The following PTGDS variants were observed in gnomAD, a reference collection of about 807,000 sequenced individuals.
PTGDS encodes the protein prostaglandin D2 synthase.
Under a neutral mutation model 28.4 loss-of-function variants are expected in PTGDS, and 21 were observed. That is an observed-to-expected ratio of 0.74 (90% confidence interval 0.52 to 1.07). The LOEUF is 1.07. Among genes scored for constraint, PTGDS ranks in the 50% least tolerant of loss-of-function variants. The pLI is 0.00. For missense variants in PTGDS, 243 were observed against 247.7 expected (o/e 0.98, Z 0.13); for synonymous variants, 102 against 106.0 (o/e 0.96, Z 0.23).
At chr9:136,979,862 A>G in intron 3 of PTGDS, 84 bp from the exon 4 acceptor site, 1 of 1,323,744 alleles carries the variant, frequency 7.6e-7, no homozygotes, top group South Asian at 1.2e-5. Context: ...GTGCCCCCAA[A>G]GCCCACAGGT....
chr9:136,978,470 AG>A (rs1043454821), intron 1 of PTGDS, among the ~76,000 whole-genome samples: 3 of 6,582 alleles, frequency 4.6e-4, no homozygotes, highest in African/African-American at 6.5e-4. Context: ...TCTCCGGGGG[AG>A]GGGGAAGTGG....
In PTGDS at chr9:136,979,210, C is replaced by G. The variant is rs764984049; in HGVS notation, c.255-13C>G. On this transcript the variant is annotated splice_polypyrimidine_tract_variant and intron_variant, in intron 2 of 6. Coordinates refer to ENST00000371625, the MANE Select transcript of PTGDS (RefSeq NM_000954.6). ...CGGGCCTAACCCCTGACCCTGAGGT[C>G]ACCCACCTACAGGAAAAACCAGTGT... 1.2e-6 allele frequency: 2 copies of G among 1,613,112 alleles called. No individual in the cohort carries two copies.
chr9:136,978,731 T>G (rs56174366), intron 1 of PTGDS: 24 of 287,434 alleles, frequency 8.3e-5, no homozygotes, highest in Non-Finnish European at 1.1e-4. Context: ...GGCGGGGTCA[T>G]CTCCTGGGGC....
rs1360105494 is a variant in PTGDS at position 136,980,376 on chromosome 9, T to C, written c.550+92T>C. 1.8e-5 allele frequency: 25 copies of C among 1,399,414 alleles called. 1 individual carries two copies. The Admixed American group carries it at 2.9e-4, about 16-fold the overall frequency. The allele number at this position is 1,399,414 out of a possible 1,614,324, so 86.7% of individuals were successfully genotyped here. ...ACTGGGGGAGGCAGAGGGGAGGAGG[T>C]GGCCCCGCCCTGCTCGAGGCCTGGG... On this transcript the variant is annotated intron_variant, in intron 5 of 6. Coordinates refer to ENST00000371625, the MANE Select transcript of PTGDS (RefSeq NM_000954.6).
intron 6 of PTGDS, 179 bp downstream of exon 6, chr9:136,981,034 G>A: frequency 1.2e-6 from 1 of 866,700 alleles, no homozygotes; most frequent in Non-Finnish European, 1.7e-6. Flanking sequence ...TGCCCACATT[G>A]ATGGGTGCAC....
At chr9:136,978,852 GGCGT>G in intron 1 of PTGDS, 137 bp from the exon 2 acceptor site, 2 of 1,262,312 alleles carry the variant, frequency 1.6e-6, no homozygotes, top group Non-Finnish European at 2.2e-6. Flanking sequence ...GGGCGTGAGG[GGCGT>G]GGCTGCTCGG....
chr9:136,977,656 C>T lies in PTGDS; in HGVS notation c.78C>T (p.Ala26=), dbSNP rs755300759. 1 of 1,606,986 alleles carries T rather than the reference C, an allele frequency of 6.2e-7. No individual in the cohort carries two copies. Among genetic ancestry groups the T allele is most frequent in the Non-Finnish European group, 8.5e-7 (1 of 1,177,814 alleles). ...VLGDLQAAPE[A]QVSVQPNFQQ... ...GCGACCTGCAGGCAGCACCGGAGGC[C>T]CAGGTCTCCGTGCAGCCCAACTTCC... The change falls in exon 1 of 7, where the codon GCC becomes GCT. Residue 26 remains alanine (A), a synonymous_variant. Transcript: ENST00000371625.
intron 1 of PTGDS, among the ~76,000 whole-genome samples, chr9:136,978,649 A>G (rs1273171922): frequency 3.0e-5 from 2 of 67,432 alleles, no homozygotes; most frequent in East Asian, 5.0e-4. Flanking sequence ...GGTTGTGGAC[A>G]TGAAGGGCGG....
Position 136,979,117 on chromosome 9 carries a change from C to A in PTGDS, c.239C>A (p.Thr80Asn). The change falls in exon 2 of 7, where the codon ACC (threonine) becomes AAC (asparagine). Residue 80 changes from threonine (T) to asparagine (N), a missense_variant. Physicochemically the swap from Thr to Asn is moderately conservative, Grantham distance 65. Coordinates refer to ENST00000371625, the MANE Select transcript of PTGDS (RefSeq NM_000954.6). ...APATDGGLNL[T>N]STFLRKNQCE... is the part of the protein sequence containing the mutation. ...GCCACGGATGGTGGCCTCAACCTGACCTCCACCTTCCTCAGGTGGGACAGC... is the reference window on the plus strand; with the variant it reads ...GCCACGGATGGTGGCCTCAACCTGAACTCCACCTTCCTCAGGTGGGACAGC... 6.2e-7 allele frequency: 1 copy of A among 1,612,492 alleles called. No individual in the cohort carries two copies. Among genetic ancestry groups the A allele is most frequent in the Admixed American group, 1.7e-5 (1 of 59,936 alleles).
Position 136,979,969 on chromosome 9 carries a change from T to C in PTGDS, c.355T>C (p.Ser119Pro). ...SPHWGSTYSV[S>P]VVETDYDQYA... ...AGACTGGGGCAGCACCTACTCCGTG[T>C]CAGTGGTGGAGACCGACTACGACCA... The change falls in exon 4 of 7, where the codon TCA (serine) becomes CCA (proline). Residue 119 changes from serine to proline, a missense_variant. Transcript: ENST00000371625. 1 of 1,613,276 alleles carries C rather than the reference T, an allele frequency of 6.2e-7. No homozygotes were observed. The highest frequency in any genetic ancestry group is 8.5e-7 in the Non-Finnish European group (1 of 1,179,940).
chr9:136,980,193 G>A lies in PTGDS; in HGVS notation c.459G>A (p.Gln153=), dbSNP rs759793550. 3 of 1,613,790 alleles carry A rather than the reference G, an allele frequency of 1.9e-6. No individual in the cohort carries two copies. Among genetic ancestry groups the A allele is most frequent in the African/African-American group, 1.3e-5 (1 of 74,938 alleles). The change falls in exon 5 of 7, where the codon CAG becomes CAA. Residue 153 remains glutamine, a synonymous_variant. Coordinates refer to ENST00000371625, the MANE Select transcript of PTGDS (RefSeq NM_000954.6). ...FRMATLYSRT[Q]TPRAELKEKF... ...TCCACCCTGTCCCAGGCCGAACCCA[G>A]ACCCCCAGGGCTGAGTTAAAGGAGA...
At chr9:136,978,397 C>A (rs1190990264) in intron 1 of PTGDS, among the ~76,000 whole-genome samples, 2 of 125,616 alleles carry the variant, frequency 1.6e-5, no homozygotes, top group African/African-American at 6.1e-5. Context: ...CGTGGCCAGA[C>A]GGGGGTGCTG....
At chr9:136,978,511 A>G (rs1280418768) in intron 1 of PTGDS, among the ~76,000 whole-genome samples, 19 of 5,494 alleles carry the variant, frequency 3.5e-3, no homozygotes, top group Middle Eastern at 0.12. Flanking sequence ...GCGGGGCGTG[A>G]GGGGCGGGGC....
intron 3 of PTGDS, 109 bp downstream of exon 3, chr9:136,979,408 G>A (rs1830422133): frequency 1.3e-6 from 2 of 1,569,114 alleles, no homozygotes; most frequent in Non-Finnish European, 8.6e-7. Flanking sequence ...GGAGGTGATG[G>A]CTGCCCCACC....
intron 6 of PTGDS, 111 bp from the exon 7 acceptor site, chr9:136,981,468 C>G (rs1302387615): frequency 6.5e-6 from 1 of 152,784 alleles, no homozygotes. Context: ...CTCAGTGGGG[C>G]TGGGGGCAGA....
Position 136,979,030 on chromosome 9 carries a change from A to C in PTGDS, c.152A>C (p.Asn51Thr), listed in dbSNP as rs754669790. The C allele has an allele frequency of 6.2e-7, 1 of 1,608,724 alleles. No homozygotes were observed. The highest frequency in any genetic ancestry group is 1.3e-5 in the African/African-American group (1 of 74,744). ...TGGTTCAGCGCGGGCCTCGCCTCCA[A>C]CTCGAGCTGGCTCCGGGAGAAGAAG... is the stretch of plus-strand genomic sequence containing the variant. ...GRWFSAGLASNSSWLREKKAA... is the reference protein window; with the variant it reads ...GRWFSAGLASTSSWLREKKAA... The change falls in exon 2 of 7, where the codon AAC becomes ACC. Residue 51 changes from asparagine (N) to threonine (T), a missense_variant. Asn to Thr is a moderately conservative substitution (Grantham distance 65). Coordinates refer to ENST00000371625, the MANE Select transcript of PTGDS (RefSeq NM_000954.6).
At chr9:136,978,211 G>A (rs1830395284) in intron 1 of PTGDS, among the ~76,000 whole-genome samples, 1 of 152,166 alleles carries the variant, frequency 6.6e-6, no homozygotes, top group Non-Finnish European at 1.5e-5. Context: ...GAACCCCAGC[G>A]GTCCGCAGAG....
At chr9:136,980,335 G>A (rs764597143) in intron 5 of PTGDS, 51 bp downstream of exon 5, 1 of 1,585,424 alleles carries the variant, frequency 6.3e-7, no homozygotes, top group Non-Finnish European at 8.6e-7. Context: ...ATTAGAGGCA[G>A]GCAGGCAGTC....
rs1297321780 is a variant in PTGDS, at chr9:136,980,295, C to T, written c.550+11C>T. 2 of 1,612,350 alleles carry T rather than the reference C, an allele frequency of 1.2e-6. No homozygotes were observed. The highest frequency in any genetic ancestry group is 1.3e-5 in the African/African-American group (1 of 74,904). On this transcript the variant is annotated intron_variant, in intron 5 of 6. Coordinates refer to ENST00000371625, the MANE Select transcript of PTGDS (RefSeq NM_000954.6). ...TCCTGCCCCAAACCGGTGAGGGGTC[C>T]TAATCTGATGGGGAGAGGATCAAGG... is the stretch of plus-strand genomic sequence containing the variant.
Sources: gnomAD v4.1 joint callset for allele counts (sites outside exome capture counted in the v4.1 genomes callset) on GRCh38, gnomAD v4.1.1 for gene constraint, MANE v1.5 for transcripts, NCBI Gene and HGNC (gene_info 2026-07-23, HGNC 2026-07-21) for gene names.